Variants in SLC38A1 observed in about 807,000 individuals in gnomAD.
The protein encoded by SLC38A1 is sodium-coupled neutral amino acid symporter 1.
In SLC38A1, 18 loss-of-function variants were observed where a neutral mutation model predicts 60.3. The observed-to-expected ratio is 0.30, with a 90% confidence interval of 0.21 to 0.44. The LOEUF is 0.44. Ranked by LOEUF, SLC38A1 falls within the 20% of genes least tolerant of loss-of-function variation. SLC38A1 has a pLI of 1.00. For synonymous variants in SLC38A1, 196 were observed against 212.1 expected, an observed-to-expected ratio of 0.92 and a Z score of 0.66; for missense variants, 448 against 587.2, an observed-to-expected ratio of 0.76 and a Z score of 2.45.
At chr12:46,220,090 A>G (rs763123056) in intron 5 of SLC38A1, among the ~76,000 whole-genome samples, 9 of 152,248 alleles carry the variant, frequency 5.9e-5, no homozygotes, top group Non-Finnish European at 1.0e-4. Flanking sequence ...AGTGGGACTC[A>G]TCTCCTACAC....
intron 1 of SLC38A1, among the ~76,000 whole-genome samples, chr12:46,252,868 A>T (rs75136171): frequency 6.6e-5 from 10 of 152,216 alleles, no homozygotes; most frequent in African/African-American, 2.4e-4. Flanking sequence ...ATTCAACCTT[A>T]AAAAAGAAGG....
At chr12:46,195,082 T>A (rs1939307160) in intron 16 of SLC38A1, among the ~76,000 whole-genome samples, 1 of 152,234 alleles carries the variant, frequency 6.6e-6, no homozygotes, top group Non-Finnish European at 1.5e-5. Flanking sequence ...TTTATCTACC[T>A]TTGGTCTTTG....
In SLC38A1 at chr12:46,183,934, T is replaced by A. The variant is rs1938851956; in HGVS notation, c.*5036A>T. 1 of 152,624 alleles carries A rather than the reference T, an allele frequency of 6.6e-6. No homozygotes were observed. The highest frequency in any genetic ancestry group is 6.5e-5 in the Admixed American group (1 of 15,272). The allele number at this position is 152,624 out of a possible 1,614,324, so 9.5% of individuals were successfully genotyped here. A position where few individuals can be genotyped will look rare whatever the true frequency, so the allele number is the denominator to read the frequency against. ...GAAACATTTATTGTTTATATGCAGA[T>A]CCTAGAGACTTCTATTTCAGTGCAG... On this transcript the variant is annotated 3_prime_UTR_variant, in exon 17 of 17. Coordinates refer to ENST00000398637, the MANE Select transcript of SLC38A1 (RefSeq NM_030674.4).
chr12:46,231,750 G>C (rs1941084433), intron 3 of SLC38A1, among the ~76,000 whole-genome samples: 1 of 152,106 alleles, frequency 6.6e-6, no homozygotes, highest in South Asian at 2.1e-4. Context: ...AGTGATTCTA[G>C]TGCCTCAGCC....
chr12:46,200,079 G>C (rs1267360760), intron 13 of SLC38A1, among the ~76,000 whole-genome samples: 1 of 152,142 alleles, frequency 6.6e-6, no homozygotes, highest in Non-Finnish European at 1.5e-5. Flanking sequence ...CAAGACAACA[G>C]TGAGACTTCA....
rs1939034322 is a variant in SLC38A1 at position 46,189,064 on chromosome 12, A to T, written c.1370T>A (p.Leu457His). The change falls in exon 17 of 17, where the codon CTT becomes CAT. Residue 457 changes from leucine to histidine, a missense_variant. Physicochemically the swap from Leu to His is moderately conservative, Grantham distance 99. This residue lies in a region of SLC38A1 where 346 missense variants were observed against 497.5 expected (regional missense o/e 0.70). Coordinates refer to ENST00000398637, the MANE Select transcript of SLC38A1 (RefSeq NM_030674.4). ...GAACAACACCCCCAGGCCCAAGAAA[A>T]GGGCAGCCTGGAGCAAGAGAAAGGC... The part of the protein sequence containing the change: ...DKGTQRIWAA[L>H]FLGLGVLFSL... 6.2e-7 allele frequency: 1 copy of T among 1,613,504 alleles called. No individual in the cohort carries two copies. Among genetic ancestry groups the T allele is most frequent in the Non-Finnish European group, 8.5e-7 (1 of 1,179,708 alleles).
In SLC38A1 at chr12:46,186,124, T is replaced by A. The variant is rs1403225942; in HGVS notation, c.*2846A>T. ...ACCTGGTCTCTAAAGGAAAATACAT[T>A]CCAGGTTGCAAACAACCAACTGACA... On this transcript the variant is annotated 3_prime_UTR_variant, in exon 17 of 17. Transcript: ENST00000398637. 2.0e-5 allele frequency: 3 copies of A among 152,170 alleles called. No individual in the cohort carries two copies. The highest frequency in any genetic ancestry group is 7.2e-5 in the African/African-American group (3 of 41,444). The allele number at this position is 152,170 out of a possible 1,614,324, so 9.4% of individuals were successfully genotyped here.
intron 3 of SLC38A1, among the ~76,000 whole-genome samples, chr12:46,238,914 T>G (rs1941348531): frequency 6.6e-6 from 1 of 152,220 alleles, no homozygotes; most frequent in Non-Finnish European, 1.5e-5. Flanking sequence ...TTATTATTAT[T>G]TAAAATCCAT....
intron 5 of SLC38A1, among the ~76,000 whole-genome samples, chr12:46,226,163 G>A (rs1000419251): frequency 6.6e-6 from 1 of 152,102 alleles, no homozygotes; most frequent in Non-Finnish European, 1.5e-5. Flanking sequence ...ATTTAGGGAT[G>A]AAATAATAAA....
At chr12:46,242,990 T>C (rs994635561) in intron 2 of SLC38A1, among the ~76,000 whole-genome samples, 10 of 152,062 alleles carry the variant, frequency 6.6e-5, no homozygotes, top group African/African-American at 2.4e-4. Flanking sequence ...TTTTAGATTG[T>C]TTTTAGCCTA....
At position 46,220,925 on chromosome 12, in the gene SLC38A1, A is replaced by G. The variant is rs116680385; in HGVS notation, c.314+8228T>C. On this transcript the variant is annotated intron_variant, in intron 5 of 16. Coordinates refer to ENST00000398637, the MANE Select transcript of SLC38A1 (RefSeq NM_030674.4). ...ATCAAATTCCCATAACATACAAGCA[A>G]GGACTTAGGGCAACGTGCTGATGGG... 4.5e-3 allele frequency among the ~76,000 whole-genome samples: 688 copies of G among 152,284 alleles called. 8 individuals are homozygous for G. The highest frequency in any genetic ancestry group is 0.016 in the African/African-American group (659 of 41,528).
intron 12 of SLC38A1, among the ~76,000 whole-genome samples, 174 bp from the exon 13 acceptor site, chr12:46,201,372 T>A (rs1009935395): frequency 2.6e-5 from 4 of 152,180 alleles, no homozygotes; most frequent in African/African-American, 9.7e-5. Context: ...TATACTGAAT[T>A]GGTATTGAGG....
intron 3 of SLC38A1, among the ~76,000 whole-genome samples, chr12:46,238,564 C>G (rs1367939343): frequency 6.6e-6 from 1 of 152,224 alleles, no homozygotes; most frequent in African/African-American, 2.4e-5. Context: ...TCACTCTCTT[C>G]TCCTAATCTT....
intron 16 of SLC38A1, among the ~76,000 whole-genome samples, chr12:46,194,131 G>A (rs569546565): frequency 6.6e-6 from 1 of 152,240 alleles, no homozygotes; most frequent in Admixed American, 6.5e-5. Context: ...CGAGCCTGGT[G>A]GTGACAAAAT....
intron 1 of SLC38A1, among the ~76,000 whole-genome samples, chr12:46,263,964 T>C (rs1213968462): frequency 6.6e-6 from 1 of 152,258 alleles, no homozygotes; most frequent in African/African-American, 2.4e-5. Flanking sequence ...TTGTTTTCCT[T>C]GCTTTAAATC....
intron 1 of SLC38A1, among the ~76,000 whole-genome samples, chr12:46,243,750 C>T (rs1434983814): frequency 6.6e-6 from 1 of 151,914 alleles, no homozygotes; most frequent in Non-Finnish European, 1.5e-5. Flanking sequence ...TTGGTGTTAA[C>T]ACAACCGTAA....
chr12:46,197,033 G>C (rs1247470628), intron 16 of SLC38A1, among the ~76,000 whole-genome samples: 1 of 152,208 alleles, frequency 6.6e-6, no homozygotes, highest in East Asian at 1.9e-4. Flanking sequence ...TACATGACTA[G>C]AAATCATATG....
chr12:46,260,058 A>G (rs938967486), intron 1 of SLC38A1, among the ~76,000 whole-genome samples: 4 of 152,228 alleles, frequency 2.6e-5, no homozygotes, highest in African/African-American at 4.8e-5. Flanking sequence ...CCCATCTGAT[A>G]CAGTCATAAA....
chr12:46,192,647 T>C (rs950942859), intron 16 of SLC38A1, among the ~76,000 whole-genome samples: 7 of 152,236 alleles, frequency 4.6e-5, no homozygotes, highest in Non-Finnish European at 1.0e-4. Flanking sequence ...AGCTTCTTCC[T>C]GGTTTAGTCT....
Sources: gnomAD v4.1 joint callset for allele counts (sites outside exome capture counted in the v4.1 genomes callset) on GRCh38, gnomAD v4.1.1 for gene constraint, gnomAD v4.1.1 regional missense constraint, MANE v1.5 for transcripts, NCBI Gene and HGNC (gene_info 2026-07-23, HGNC 2026-07-21) for gene names.